FAM227A: variants seen among roughly 807,000 people sequenced by gnomAD.
FAM227A encodes family with sequence similarity 227 member A.
FAM227A carries 80 observed loss-of-function variants against 74.7 expected under a neutral mutation model. The ratio of observed to expected loss-of-function variants is 1.07; its 90% confidence interval spans 0.89 to 1.29. The LOEUF is 1.29. Ranked by LOEUF, FAM227A falls within the 50% of genes most tolerant of loss-of-function variation. FAM227A has a pLI of 0.00. For missense variants in FAM227A, 654 were observed against 683.4 expected (o/e 0.96, Z 0.48); for synonymous variants, 237 against 241.8 (o/e 0.98, Z 0.19).
At chr22:38,645,146 C>T (rs2092208692) in intron 3 of FAM227A, among the ~76,000 whole-genome samples, 1 of 152,040 alleles carries the variant, frequency 6.6e-6, no homozygotes, top group Non-Finnish European at 1.5e-5. Flanking sequence ...AATCCTAGCA[C>T]TTTGGGAGGC....
rs1214581579 is a variant in FAM227A at position 38,625,738 on chromosome 22, G to A, written c.850+442C>T. Among the ~76,000 whole-genome samples the A allele has an allele frequency of 2.0e-5, 3 of 152,254 alleles. No homozygotes were observed. In the East Asian group the frequency reaches 5.8e-4, roughly 29 times the overall value. On this transcript the variant is annotated intron_variant, in intron 9 of 16. Transcript: ENST00000535113. ...AAGCAGGCGGATTATGAGGTCAGGA[G>A]GTTGAGACCAGCCTGACCAACATGG...
chr22:38,600,980 A>G (rs1257569395), intron 13 of FAM227A, among the ~76,000 whole-genome samples: 2 of 151,994 alleles, frequency 1.3e-5, no homozygotes, highest in Admixed American at 6.6e-5. Flanking sequence ...ATTATTTAGT[A>G]AAAAACAGAT....
At chr22:38,623,430 A>G in intron 9 of FAM227A, 151 bp from the exon 10 acceptor site, 1 of 567,646 alleles carries the variant, frequency 1.8e-6, no homozygotes, top group Non-Finnish European at 3.2e-6. Context: ...TTTAAAAAGA[A>G]ATTAAAAAAA....
chr22:38,644,983 G>C (rs1447115808), intron 3 of FAM227A, among the ~76,000 whole-genome samples: 2 of 152,102 alleles, frequency 1.3e-5, no homozygotes, highest in Non-Finnish European at 2.9e-5. Flanking sequence ...CAGCTACTCG[G>C]GAGGCTGAGG....
At chr22:38,633,397 G>A (rs1408972888) in intron 6 of FAM227A, among the ~76,000 whole-genome samples, 3 of 152,116 alleles carry the variant, frequency 2.0e-5, no homozygotes, top group East Asian at 3.9e-4. Flanking sequence ...TTTCCACCCC[G>A]CAAATGAATT....
chr22:38,597,404 C>T (rs561099709), intron 14 of FAM227A, 48 bp from the exon 15 acceptor site: 24 of 1,539,506 alleles, frequency 1.6e-5, no homozygotes, highest in East Asian at 1.5e-4. Context: ...ACTGTGTTGA[C>T]GCTGCATTAT....
At chr22:38,620,557 A>G (rs2091666530) in intron 10 of FAM227A, among the ~76,000 whole-genome samples, 1 of 152,086 alleles carries the variant, frequency 6.6e-6, no homozygotes, top group Admixed American at 6.6e-5. Context: ...TAATCCCAGC[A>G]CTTTGGGAGG....
rs370979052 is a variant in FAM227A at position 38,636,521 on chromosome 22, G to A, written c.449C>T (p.Pro150Leu). 67 of 1,551,534 alleles carry A rather than the reference G, an allele frequency of 4.3e-5. No homozygotes were observed. Among genetic ancestry groups the A allele is most frequent in the East Asian group, 4.2e-4 (17 of 40,922 alleles). ...CATGTCACAGAAGTCCACGCCATTCGGAAGCTTGTTTGGCTTGGAGCTGTT... is the reference window on the plus strand; with the variant it reads ...CATGTCACAGAAGTCCACGCCATTCAGAAGCTTGTTTGGCTTGGAGCTGTT... The part of the protein sequence containing the change: ...NFNSSKPNKL[P>L]NGVDFCDMVG... The change falls in exon 6 of 17, where the codon CCG (proline) becomes CTG (leucine). Residue 150 changes from proline (P) to leucine (L), a missense_variant. Pro to Leu is a moderately conservative substitution (Grantham distance 98). Transcript: ENST00000535113.
intron 15 of FAM227A, among the ~76,000 whole-genome samples, chr22:38,595,367 G>A (rs1467768742): frequency 6.6e-6 from 1 of 152,144 alleles, no homozygotes; most frequent in African/African-American, 2.4e-5. Flanking sequence ...AGACAGGGTG[G>A]CTCCATGAAA....
intron 15 of FAM227A, among the ~76,000 whole-genome samples, chr22:38,594,112 C>G (rs1458811759): frequency 6.6e-6 from 1 of 152,178 alleles, no homozygotes; most frequent in Non-Finnish European, 1.5e-5. Context: ...ACATCTTCCC[C>G]TTCACGTCCC....
intron 6 of FAM227A, among the ~76,000 whole-genome samples, chr22:38,633,377 C>T (rs2091947942): frequency 6.6e-6 from 1 of 152,174 alleles, no homozygotes; most frequent in South Asian, 2.1e-4. Flanking sequence ...AGCAGTCTGT[C>T]CTTGGGGGCT....
Position 38,582,094 on chromosome 22 carries a change from T to C in FAM227A, c.*4031A>G. On this transcript the variant is annotated 3_prime_UTR_variant, in exon 17 of 17. Transcript: ENST00000535113. Reference sequence around the variant, plus strand: ...GAAGTATAATTGACATATGAGAAACTGCACACATTTAAAGTGTATTTAGGT... The same window carrying C: ...GAAGTATAATTGACATATGAGAAACCGCACACATTTAAAGTGTATTTAGGT... 2.4e-6 allele frequency: 1 copy of C among 418,880 alleles called. No individual in the cohort carries two copies. Among genetic ancestry groups the C allele is most frequent in the Non-Finnish European group, 4.2e-6 (1 of 236,342 alleles). The allele number at this position is 418,880 out of a possible 1,614,324, so 25.9% of individuals were successfully genotyped here. A position where few individuals can be genotyped will look rare whatever the true frequency, so the allele number is the denominator to read the frequency against.
At chr22:38,652,601 A>C (rs2092338640) in intron 1 of FAM227A, among the ~76,000 whole-genome samples, 1 of 139,514 alleles carries the variant, frequency 7.2e-6, no homozygotes. Flanking sequence ...AAAAAAAAAA[A>C]AAAGGTCGGG....
Position 38,605,348 on chromosome 22 carries a change from T to A in FAM227A, c.1127A>T (p.Glu376Val), listed in dbSNP as rs1046052271. 2.0e-6 allele frequency: 3 copies of A among 1,529,418 alleles called. No homozygotes were observed. The highest frequency in any genetic ancestry group is 2.5e-5 in the East Asian group (1 of 40,810). 94.7% of individuals were successfully genotyped at this position (1,529,418 alleles called of 1,614,324 possible). A position where few individuals can be genotyped will look rare whatever the true frequency, so the allele number is the denominator to read the frequency against. The part of the protein sequence containing the change: ...KSLRMQNTAK[E>V]HHCQTLVLKK... ...CAAGACCAGGGTCTGACAATGATGC[T>A]CTGTCAATGTGACATTAGCAAGAAA... The change falls in exon 13 of 17, where the codon GAG becomes GTG. Residue 376 changes from glutamate (E) to valine (V), a missense_variant and splice_region_variant. Transcript: ENST00000535113.
rs1216888971 is a variant in FAM227A at position 38,578,608 on chromosome 22, A to C, written c.*7517T>G. On this transcript the variant is annotated 3_prime_UTR_variant, in exon 17 of 17. Coordinates refer to ENST00000535113, the MANE Select transcript of FAM227A (RefSeq NM_001013647.2). ...AGCCATGAGTCTAGTAGAGAAGACA[A>C]TGCAGAAAGAGATAATCACCACACA... 6.6e-6 allele frequency: 1 copy of C among 152,214 alleles called. No homozygotes were observed. 9.4% of individuals were successfully genotyped at this position (152,214 alleles called of 1,614,324 possible).
chr22:38,638,809 C>T lies in FAM227A; in HGVS notation c.309G>A (p.Arg103=), dbSNP rs766533728. The change falls in exon 5 of 17, where the codon AGG becomes AGA. Residue 103 remains arginine, a synonymous_variant. Coordinates refer to ENST00000535113, the MANE Select transcript of FAM227A (RefSeq NM_001013647.2). ...SSPEDKVKRQ[R]KSQYSCKGSE... Reference sequence around the variant, plus strand: ...AGCCTTTGCAGGAATACTGAGATTTCCTTTGTCTCTTGACTGCAGAAAAAT... The same window carrying T: ...AGCCTTTGCAGGAATACTGAGATTTTCTTTGTCTCTTGACTGCAGAAAAAT... The T allele has an allele frequency of 6.5e-7, 1 of 1,539,710 alleles. No homozygotes were observed. The highest frequency in any genetic ancestry group is 1.2e-5 in the South Asian group (1 of 81,876).
At chr22:38,628,439 G>A in intron 7 of FAM227A, 97 bp from the exon 8 acceptor site, 1 of 763,018 alleles carries the variant, frequency 1.3e-6, no homozygotes, top group East Asian at 2.7e-5. Flanking sequence ...TCATTTCCAA[G>A]AATCTTATTC....
intron 16 of FAM227A, among the ~76,000 whole-genome samples, chr22:38,587,575 CAAT>C (rs1452600366): frequency 6.6e-6 from 1 of 152,066 alleles, no homozygotes; most frequent in African/African-American, 2.4e-5. Flanking sequence ...ACGATTGAAT[CAAT>C]AATCAAAAAT....
intron 7 of FAM227A, 143 bp downstream of exon 7, chr22:38,628,691 A>T (rs2145602542): frequency 1.5e-6 from 1 of 667,476 alleles, no homozygotes; most frequent in South Asian, 1.7e-5. Flanking sequence ...GAGGCATGGG[A>T]CGGGAGGGGA....
Sources: gnomAD v4.1 joint callset for allele counts (sites outside exome capture counted in the v4.1 genomes callset) on GRCh38, gnomAD v4.1.1 for gene constraint, MANE v1.5 for transcripts, NCBI Gene and HGNC (gene_info 2026-07-23, HGNC 2026-07-21) for gene names.